Variants in ADAM12 observed in about 807,000 individuals in gnomAD.
ADAM12 encodes ADAM metallopeptidase domain 12.
A neutral mutation model predicts 106.4 loss-of-function variants in ADAM12; 70 were observed. That is an observed-to-expected ratio of 0.66 (90% CI 0.54 to 0.80). The LOEUF (loss-of-function observed/expected upper bound fraction) is 0.80. ADAM12 is among the 30% of genes least tolerant of loss of function. ADAM12 has a pLI of 0.00. For missense variants in ADAM12, 1,010 were observed against 1,171.9 expected, an observed-to-expected ratio of 0.86 and a Z score of 2.02; for synonymous variants, 420 against 433.5, an observed-to-expected ratio of 0.97 and a Z score of 0.39.
chr10:126,124,377 C>T (rs1420656729), intron 5 of ADAM12, among the ~76,000 whole-genome samples: 1 of 151,720 alleles, frequency 6.6e-6, no homozygotes, highest in African/African-American at 2.4e-5. Context: ...AGCAGTATTA[C>T]TTAACACATA....
intron 1 of ADAM12, among the ~76,000 whole-genome samples, chr10:126,331,776 G>C (rs1282270638): frequency 6.6e-6 from 1 of 152,200 alleles, no homozygotes; most frequent in Non-Finnish European, 1.5e-5. Context: ...TCAGGGTGTG[G>C]ATGGGCTGAG....
At chr10:126,300,126 T>C (rs7918068) in intron 2 of ADAM12, among the ~76,000 whole-genome samples, 34,511 of 152,188 alleles carry the variant, frequency 0.23, 4,125 homozygotes, top group African/African-American at 0.29. Context: ...GTTCTGCAGT[T>C]AGAAGAATCC....
Position 126,143,323 on chromosome 10 carries a change from G to C in ADAM12, c.340-7663C>G, listed in dbSNP as rs1051815134. Among the ~76,000 whole-genome samples, 5 of 144,736 alleles carry C rather than the reference G, an allele frequency of 3.5e-5. No homozygotes were observed. In the Admixed American group the frequency reaches 3.5e-4, roughly 10 times the overall value. The allele number at this position is 144,736 out of a possible 152,430, so 95.0% of individuals were successfully genotyped here. On this transcript the variant is annotated intron_variant, in intron 4 of 22. Coordinates refer to ENST00000448723, the MANE Select transcript of ADAM12 (RefSeq NM_001288973.2). ...ATGTGGGTGTGCATGTGTGTATATG[G>C]TGTGCACATGTGTATATGTGTGCAT...
intron 3 of ADAM12, among the ~76,000 whole-genome samples, chr10:126,190,185 T>A (rs1046589441): frequency 1.3e-5 from 2 of 150,368 alleles, no homozygotes; most frequent in Non-Finnish European, 2.9e-5. Context: ...CTTCTACATC[T>A]GCCCAATTCA....
chr10:126,204,008 G>A (rs530372103), intron 3 of ADAM12, among the ~76,000 whole-genome samples: 1 of 152,170 alleles, frequency 6.6e-6, no homozygotes, highest in East Asian at 1.9e-4. Flanking sequence ...GTTCACCCAG[G>A]AGTTGAAGGA....
At chr10:126,121,221 A>G (rs1399893868) in intron 5 of ADAM12, among the ~76,000 whole-genome samples, 1 of 105,726 alleles carries the variant, frequency 9.5e-6, no homozygotes, top group African/African-American at 3.8e-5. Flanking sequence ...TATATATTAT[A>G]TACTATAGTA....
intron 14 of ADAM12, among the ~76,000 whole-genome samples, chr10:126,050,218 A>C (rs747407881): frequency 6.6e-6 from 1 of 152,228 alleles, no homozygotes; most frequent in Non-Finnish European, 1.5e-5. Flanking sequence ...TGCAAGGCAG[A>C]GATTTCTCTC....
chr10:126,159,449 C>T lies in ADAM12; in HGVS notation c.261-4144G>A, dbSNP rs142839682. On this transcript the variant is annotated intron_variant, in intron 3 of 22. Transcript: ENST00000448723. ...CTATGTACTTGTACTTCTATCACAT[C>T]CTTTATTAATATTTTAGCAATTCAG... 7.7e-3 allele frequency among the ~76,000 whole-genome samples: 1,175 copies of T among 152,026 alleles called. 12 individuals are homozygous for T. The highest frequency in any genetic ancestry group is 0.026 in the African/African-American group (1,096 of 41,464).
In ADAM12 at chr10:126,106,881, CAT is replaced by C. The variant is rs148452856; in HGVS notation, c.741+1710_741+1711del. Among the ~76,000 whole-genome samples, 604 of 152,298 alleles carry C rather than the reference CAT, an allele frequency of 4.0e-3. 13 individuals carry two copies. In the East Asian group the frequency reaches 0.055, roughly 14 times the overall value. ...AACTGCAGGAATATTTTTCTACTATCATGTGTGTCTCTCCCCTGCTTAAAAAC... is the reference window on the plus strand; with the variant it reads ...AACTGCAGGAATATTTTTCTACTATCGTGTGTCTCTCCCCTGCTTAAAAAC... On this transcript the variant is annotated intron_variant, in intron 8 of 22. Coordinates refer to ENST00000448723, the MANE Select transcript of ADAM12 (RefSeq NM_001288973.2).
intron 1 of ADAM12, among the ~76,000 whole-genome samples, chr10:126,337,940 T>A (rs958421243): frequency 6.6e-6 from 1 of 152,188 alleles, no homozygotes; most frequent in Non-Finnish European, 1.5e-5. Flanking sequence ...CTTAAAAAGA[T>A]CCTTTGGACT....
chr10:126,041,620 C>G (rs187508067), intron 18 of ADAM12: 3 of 986,914 alleles, frequency 3.0e-6, no homozygotes, highest in East Asian at 2.3e-4. Flanking sequence ...GTGGCAGGGT[C>G]TCTGATAAAT....
chr10:126,152,558 CTTTT>C (rs200337699), intron 4 of ADAM12, among the ~76,000 whole-genome samples: 1 of 150,430 alleles, frequency 6.6e-6, no homozygotes, highest in Non-Finnish European at 1.5e-5. Context: ...ACTACAGCAG[CTTTT>C]TTTTTGTTTT....
chr10:126,226,717 A>G (rs1565151336), intron 3 of ADAM12, among the ~76,000 whole-genome samples: 1 of 152,184 alleles, frequency 6.6e-6, no homozygotes, highest in Non-Finnish European at 1.5e-5. Flanking sequence ...GAGGACAGAA[A>G]TAGTAAATGT....
intron 3 of ADAM12, among the ~76,000 whole-genome samples, chr10:126,238,386 G>A (rs1364867873): frequency 6.6e-6 from 1 of 152,160 alleles, no homozygotes; most frequent in East Asian, 1.9e-4. Flanking sequence ...GGCTGGGGCA[G>A]GAGAATCGCT....
chr10:126,235,608 C>G (rs926375472), intron 3 of ADAM12, among the ~76,000 whole-genome samples: 1 of 152,142 alleles, frequency 6.6e-6, no homozygotes, highest in African/African-American at 2.4e-5. Context: ...CAGCGGCACA[C>G]CGTCCAGCCC....
intron 3 of ADAM12, among the ~76,000 whole-genome samples, chr10:126,159,600 A>G (rs1394780085): frequency 6.6e-6 from 1 of 152,190 alleles, no homozygotes; most frequent in African/African-American, 2.4e-5. Flanking sequence ...GACCAGGCTT[A>G]ACTGAAAGCT....
At chr10:126,136,303 C>T (rs892626193) in intron 4 of ADAM12, among the ~76,000 whole-genome samples, 2 of 152,160 alleles carry the variant, frequency 1.3e-5, no homozygotes, top group African/African-American at 4.8e-5. Context: ...CAGACACTTC[C>T]TTAGTGAAGA....
chr10:126,317,912 T>C (rs1216834819), intron 2 of ADAM12, among the ~76,000 whole-genome samples: 1 of 152,166 alleles, frequency 6.6e-6, no homozygotes, highest in African/African-American at 2.4e-5. Context: ...ATTAATTATG[T>C]GAAAAGATAG....
chr10:126,296,839 G>T (rs1010003163), intron 2 of ADAM12, among the ~76,000 whole-genome samples: 3 of 152,166 alleles, frequency 2.0e-5, no homozygotes, highest in Admixed American at 6.5e-5. Flanking sequence ...TTGTTTGTTT[G>T]TTTGAACTGC....
Sources: gnomAD v4.1 joint callset for allele counts (sites outside exome capture counted in the v4.1 genomes callset) on GRCh38, gnomAD v4.1.1 for gene constraint, MANE v1.5 for transcripts, NCBI Gene and HGNC (gene_info 2026-07-23, HGNC 2026-07-21) for gene names.